RFTN1: variants seen among roughly 807,000 people sequenced by gnomAD.
RFTN1 encodes raftlin, lipid raft linker 1.
Under a neutral mutation model 46.5 loss-of-function variants are expected in RFTN1, and 26 were observed. The observed-to-expected ratio is 0.56, with a 90% CI of 0.41 to 0.78. RFTN1 has a LOEUF of 0.78. Ranked by LOEUF, RFTN1 falls within the 30% of genes least tolerant of loss-of-function variation. The pLI is 0.00. For missense variants in RFTN1, 693 were observed against 718.7 expected (o/e 0.96, Z 0.41); for synonymous variants, 261 against 284.2 (o/e 0.92, Z 0.82).
At chr3:16,493,995 T>C in intron 1 of RFTN1, 118 bp from the exon 2 acceptor site, 1 of 1,103,540 alleles carries the variant, frequency 9.1e-7, no homozygotes, top group Non-Finnish European at 1.3e-6. Context: ...CCTCAGCCCT[T>C]ATGAAACTGA....
At chr3:16,495,190 T>C (rs1315391483) in intron 1 of RFTN1, among the ~76,000 whole-genome samples, 1 of 152,248 alleles carries the variant, frequency 6.6e-6, no homozygotes, top group Non-Finnish European at 1.5e-5. Context: ...GCAATCTGCA[T>C]GAACTGATTA....
At position 16,457,110 on chromosome 3, in the gene RFTN1, A is replaced by T. The variant is rs2075921684; in HGVS notation, c.146-23073T>A. Among the ~76,000 whole-genome samples the T allele has an allele frequency of 6.6e-6, 1 of 152,226 alleles. No homozygotes were observed. The highest frequency in any genetic ancestry group is 2.4e-5 in the African/African-American group (1 of 41,450). On this transcript the variant is annotated intron_variant, in intron 2 of 9. Coordinates refer to ENST00000334133, the MANE Select transcript of RFTN1 (RefSeq NM_015150.2). The surrounding 1 kb of genome is among the most constrained non-coding windows in gnomAD (Gnocchi z 4.2). The stretch of plus-strand genomic sequence containing the variant: ...CAGGCTCTTTAATCTTTTACAGTTC[A>T]CCACATTTGTTTTACAGCCTCTGCA...
In RFTN1 at chr3:16,351,794, C is replaced by T. The variant is rs1337962062; in HGVS notation, c.1146+6138G>A. ...TTTCTCAAAAAACTAAGTTGAATTC[C>T]TTGAATAGACTCAGCAAAGAACAAT... On this transcript the variant is annotated intron_variant, in intron 7 of 9. Coordinates refer to ENST00000334133, the MANE Select transcript of RFTN1 (RefSeq NM_015150.2). This position sits in a 1 kb window ranked among gnomAD's most constrained non-coding sequence, Gnocchi z 5.4. 6.6e-6 allele frequency among the ~76,000 whole-genome samples: 1 copy of T among 152,036 alleles called. No individual in the cohort carries two copies. The highest frequency in any genetic ancestry group is 1.5e-5 in the Non-Finnish European group (1 of 67,992).
rs1333284584 is a variant in RFTN1, at chr3:16,426,506, A to G, written c.332+7345T>C. ...TTATCTTGTAGGCTATAAAAAAAAG[A>G]TAACATAATGCATTTGTACTTCACT... On this transcript the variant is annotated intron_variant, in intron 3 of 9. Coordinates refer to ENST00000334133, the MANE Select transcript of RFTN1 (RefSeq NM_015150.2). The surrounding 1 kb of genome is among the most constrained non-coding windows in gnomAD (Gnocchi z 5.9). 6.6e-6 allele frequency among the ~76,000 whole-genome samples: 1 copy of G among 152,226 alleles called. No individual in the cohort carries two copies. The highest frequency in any genetic ancestry group is 2.4e-5 in the African/African-American group (1 of 41,458).
In RFTN1 at chr3:16,443,750, AACACAC is replaced by A. The variant is rs57242614; in HGVS notation, c.146-9719_146-9714del. ...CACACATAGTCAATGAATTACACACAACACACACACACACACACACACACACACACA... is the reference window on the plus strand; with the variant it reads ...CACACATAGTCAATGAATTACACACAACACACACACACACACACACACACA... On this transcript the variant is annotated intron_variant, in intron 2 of 9. Transcript: ENST00000334133. The surrounding 1 kb of genome is among the most constrained non-coding windows in gnomAD (Gnocchi z 5.5). 8.4e-3 allele frequency among the ~76,000 whole-genome samples: 1,222 copies of A among 146,024 alleles called. 15 individuals carry two copies. The highest frequency in any genetic ancestry group is 0.027 in the African/African-American group (1,089 of 39,912).
intron 6 of RFTN1, among the ~76,000 whole-genome samples, chr3:16,367,012 G>A (rs796975070): frequency 0.061 from 7,528 of 123,904 alleles, no homozygotes; most frequent in South Asian, 0.19. Flanking sequence ...GGCATGGGGA[G>A]GGGAGTAATG....
At chr3:16,388,731 G>A (rs1369143514) in intron 4 of RFTN1, among the ~76,000 whole-genome samples, 1 of 152,132 alleles carries the variant, frequency 6.6e-6, no homozygotes, top group Admixed American at 6.5e-5. Flanking sequence ...TTCTTATCAA[G>A]GTAAAAAATG....
chr3:16,362,543 C>G (rs1575128676), intron 6 of RFTN1, among the ~76,000 whole-genome samples: 1 of 152,152 alleles, frequency 6.6e-6, no homozygotes, highest in Admixed American at 6.5e-5. Context: ...TAAGAGACCC[C>G]TTTGAGTAAA....
intron 4 of RFTN1, among the ~76,000 whole-genome samples, chr3:16,405,062 T>A (rs1011536053): frequency 1.3e-5 from 2 of 152,172 alleles, no homozygotes; most frequent in Admixed American, 1.3e-4. Flanking sequence ...GACGCTCTCA[T>A]GAATGAACAG....
chr3:16,480,614 AT>A lies in RFTN1; in HGVS notation c.145+13110del. On this transcript the variant is annotated intron_variant, in intron 2 of 9. Coordinates refer to ENST00000334133, the MANE Select transcript of RFTN1 (RefSeq NM_015150.2). The surrounding 1 kb of genome is among the most constrained non-coding windows in gnomAD (Gnocchi z 4.3). ...AGAATCACCTACCTTTTCACACCAGATTTGCTTTTGAAAATATTTCGTAGAT... is the reference window on the plus strand; with the variant it reads ...AGAATCACCTACCTTTTCACACCAGATTGCTTTTGAAAATATTTCGTAGAT... Among the ~76,000 whole-genome samples, 1 of 152,148 alleles carries A rather than the reference AT, an allele frequency of 6.6e-6. No homozygotes were observed. The highest frequency in any genetic ancestry group is 1.5e-5 in the Non-Finnish European group (1 of 68,028).
chr3:16,507,687 A>C lies in RFTN1; in HGVS notation c.-9+5755T>G, dbSNP rs567069236. Among the ~76,000 whole-genome samples the C allele has an allele frequency of 6.6e-6, 1 of 151,788 alleles. No individual in the cohort carries two copies. The highest frequency in any genetic ancestry group is 1.5e-5 in the Non-Finnish European group (1 of 67,872). ...ATACACACACAATGCACATAAACACACACATACACACACATACATACACAT... is the reference window on the plus strand; with the variant it reads ...ATACACACACAATGCACATAAACACCCACATACACACACATACATACACAT... On this transcript the variant is annotated intron_variant, in intron 1 of 9. Transcript: ENST00000334133. This position sits in a 1 kb window ranked among gnomAD's most constrained non-coding sequence, Gnocchi z 7.1.
rs1251740210 is a variant in RFTN1 at position 16,500,240 on chromosome 3, C to T, written c.-8-6363G>A. Reference sequence around the variant, plus strand: ...AATTCCTATGCTCACCTCACACTGACACCTAATGTCAATCAGATTACCTAT... The same window carrying T: ...AATTCCTATGCTCACCTCACACTGATACCTAATGTCAATCAGATTACCTAT... On this transcript the variant is annotated intron_variant, in intron 1 of 9. Transcript: ENST00000334133. This position sits in a 1 kb window ranked among gnomAD's most constrained non-coding sequence, Gnocchi z 5.9. 1.3e-5 allele frequency among the ~76,000 whole-genome samples: 2 copies of T among 152,240 alleles called. No homozygotes were observed. Among genetic ancestry groups the T allele is most frequent in the African/African-American group, 2.4e-5 (1 of 41,458 alleles).
Position 16,370,311 on chromosome 3 carries a change from A to C in RFTN1, c.827-32T>G. 6.2e-7 allele frequency: 1 copy of C among 1,601,396 alleles called. No homozygotes were observed. Among genetic ancestry groups the C allele is most frequent in the Non-Finnish European group, 8.6e-7 (1 of 1,168,796 alleles). On this transcript the variant is annotated intron_variant, in intron 5 of 9. Coordinates refer to ENST00000334133, the MANE Select transcript of RFTN1 (RefSeq NM_015150.2). This position sits in a 1 kb window ranked among gnomAD's most constrained non-coding sequence, Gnocchi z 5.5. ...GGATTTGTAAAGGGAGTGGAGAGAG[A>C]AGAGGTCAACTGATGATAAAAATCT...
chr3:16,372,036 G>C (rs1172211568), intron 5 of RFTN1, among the ~76,000 whole-genome samples: 1 of 152,198 alleles, frequency 6.6e-6, no homozygotes, highest in Non-Finnish European at 1.5e-5. Context: ...ATTAAAAGCT[G>C]CAGCTACCGA....
rs554684396 is a variant in RFTN1 at position 16,335,969 on chromosome 3, C to T, written c.1147-9093G>A. 4.6e-5 allele frequency among the ~76,000 whole-genome samples: 7 copies of T among 152,298 alleles called. No homozygotes were observed. The highest frequency in any genetic ancestry group is 1.9e-4 in the East Asian group (1 of 5,178). Reference sequence around the variant, plus strand: ...GTGCAGAGGAGGCAGAGCATGCTGGCGCCTTCTCAGGGCTGCCTGGGCCCT... The same window carrying T: ...GTGCAGAGGAGGCAGAGCATGCTGGTGCCTTCTCAGGGCTGCCTGGGCCCT... On this transcript the variant is annotated intron_variant, in intron 7 of 9. Coordinates refer to ENST00000334133, the MANE Select transcript of RFTN1 (RefSeq NM_015150.2). This position sits in a 1 kb window ranked among gnomAD's most constrained non-coding sequence, Gnocchi z 4.7.
rs34483332 is a variant in RFTN1, at chr3:16,443,830, GA to G, written c.146-9794del. Among the ~76,000 whole-genome samples, 4,972 of 151,990 alleles carry G rather than the reference GA, an allele frequency of 0.033. 120 individuals carry two copies. The highest frequency in any genetic ancestry group is 0.065 in the Middle Eastern group (19 of 294). ...GTGTCCAGGTATTTGTAAGGAGACT[GA>G]CTCAACAATTTCCATTGACTGCATC... On this transcript the variant is annotated intron_variant, in intron 2 of 9. Coordinates refer to ENST00000334133, the MANE Select transcript of RFTN1 (RefSeq NM_015150.2). The surrounding 1 kb of genome is among the most constrained non-coding windows in gnomAD (Gnocchi z 5.5).
intron 2 of RFTN1, among the ~76,000 whole-genome samples, chr3:16,486,625 C>T (rs2076451429): frequency 2.0e-5 from 3 of 152,214 alleles, no homozygotes; most frequent in Non-Finnish European, 4.4e-5. Context: ...TCCAAATCCA[C>T]CTGAGGATTT....
intron 2 of RFTN1, among the ~76,000 whole-genome samples, chr3:16,454,168 T>C (rs2075865454): frequency 6.6e-6 from 1 of 152,226 alleles, no homozygotes; most frequent in Non-Finnish European, 1.5e-5. Context: ...CCATAGATTT[T>C]AATAGTTTCT....
rs1575323023 is a variant in RFTN1 at position 16,459,536 on chromosome 3, T to A, written c.146-25499A>T. ...TAAGCTCAGGAGTTCAAGGCTACAG[T>A]GAGCTGTGATCGTGCCACTGCACTC... On this transcript the variant is annotated intron_variant, in intron 2 of 9. Transcript: ENST00000334133. This position sits in a 1 kb window ranked among gnomAD's most constrained non-coding sequence, Gnocchi z 4.2. Among the ~76,000 whole-genome samples the A allele has an allele frequency of 6.6e-6, 1 of 152,160 alleles. No individual in the cohort carries two copies. Among genetic ancestry groups the A allele is most frequent in the African/African-American group, 2.4e-5 (1 of 41,420 alleles).
Sources: allele counts gnomAD v4.1 joint callset (sites outside exome capture counted in the v4.1 genomes callset), GRCh38; gene constraint gnomAD v4.1.1; non-coding constraint Gnocchi (gnomAD v3.1); transcripts MANE v1.5; gene names NCBI Gene and HGNC (gene_info 2026-07-23, HGNC 2026-07-21).